CAST: variants seen among roughly 807,000 people sequenced by gnomAD.
The protein encoded by CAST is calpastatin.
CAST carries 76 observed loss-of-function variants against 119.6 expected under a neutral mutation model. The observed-to-expected ratio is 0.64, with a 90% confidence interval of 0.53 to 0.77. The LOEUF (loss-of-function observed/expected upper bound fraction) is 0.77, where lower values mean the gene tolerates loss of function less well. Ranked by LOEUF, CAST falls within the 30% of genes least tolerant of loss-of-function variation. The probability of loss-of-function intolerance (pLI) is 0.00; values close to 1 mark genes in which losing one functional copy is unlikely to be tolerated. For synonymous variants in CAST, 319 were observed against 331.6 expected (o/e 0.96, Z 0.41); for missense variants, 953 against 946.5 (o/e 1.01, Z -0.09).
chr5:96,345,027 G>C, the CAST span, among the ~76,000 whole-genome samples: 1 of 152,110 alleles, frequency 6.6e-6, no homozygotes. Context: ...ATGTGTATGA[G>C]GGTAGATATG....
chr5:96,553,131 T>A (rs1003998791), intron 1 of CAST, among the ~76,000 whole-genome samples: 1 of 152,130 alleles, frequency 6.6e-6, no homozygotes, highest in Non-Finnish European at 1.5e-5. Flanking sequence ...TAGGCCAATA[T>A]CCCTGATGAA....
chr5:96,033,427 G>A, the CAST span, among the ~76,000 whole-genome samples: 2 of 152,084 alleles, frequency 1.3e-5, no homozygotes, highest in African/African-American at 4.8e-5. Context: ...AACCAAAACA[G>A]CATGCTACTG....
At chr5:96,200,927 G>A in the CAST span, among the ~76,000 whole-genome samples, 1 of 151,996 alleles carries the variant, frequency 6.6e-6, no homozygotes, top group South Asian at 2.1e-4. Context: ...GGTTCTTTTT[G>A]GCTAGAAATA....
At chr5:96,038,129 G>T in the CAST span, among the ~76,000 whole-genome samples, 2 of 152,084 alleles carry the variant, frequency 1.3e-5, no homozygotes, top group African/African-American at 4.8e-5. Context: ...TTGTCAAAAA[G>T]CTAGTCATAC....
chr5:96,748,435 G>GA, intron 18 of CAST, 83 bp from the exon 19 acceptor site: 2 of 618,578 alleles, frequency 3.2e-6, no homozygotes, highest in East Asian at 2.9e-5. Flanking sequence ...TGTTAATCAG[G>GA]AAAAAAATTG....
intron 2 of CAST, 30 bp from the exon 3 acceptor site, chr5:96,695,806 C>G (rs777012480): frequency 6.7e-7 from 1 of 1,489,288 alleles, no homozygotes; most frequent in East Asian, 2.3e-5. Flanking sequence ...GTGTTTTCCC[C>G]CATTGAAACT....
the CAST span, among the ~76,000 whole-genome samples, chr5:96,372,876 C>T: frequency 6.1e-4 from 93 of 152,152 alleles, no homozygotes; most frequent in Admixed American, 1.1e-3. Flanking sequence ...AGATTGGCTC[C>T]GGGGTGTCTC....
Position 96,541,567 on chromosome 5 carries a change from G to A in CAST, c.60+11687G>A, listed in dbSNP as rs187879066. Among the ~76,000 whole-genome samples the A allele has an allele frequency of 1.4e-3, 220 of 152,210 alleles. 1 individual carries two copies. Among genetic ancestry groups the A allele is most frequent in the Admixed American group, 2.3e-3 (35 of 15,294 alleles). On this transcript the variant is annotated intron_variant, in intron 1 of 11. Coordinates refer to the CAST transcript ENST00000505143. Reference sequence around the variant, plus strand: ...ATCAGGTCATGTATTCACCATTATAGTATTATACAGAACAGTTTCACTGCC... The same window carrying A: ...ATCAGGTCATGTATTCACCATTATAATATTATACAGAACAGTTTCACTGCC...
chr5:96,727,500 A>G lies in CAST; in HGVS notation c.348A>G (p.Thr116=). ...TTTTCTGAACTTAGGCTGTAAAAAC[A>G]GAACCTGAGAAGAAGTCACAGTCAA... ...KKKHKKQAVK[T]EPEKKSQSTK... Residue 116 remains threonine (T), a synonymous_variant, in exon 6 of 32, where the codon ACA becomes ACG. Transcript: ENST00000675179. The G allele has an allele frequency of 6.4e-7, 1 of 1,558,006 alleles. No individual in the cohort carries two copies. The highest frequency in any genetic ancestry group is 8.7e-7 in the Non-Finnish European group (1 of 1,143,946).
chr5:96,408,231 C>T, the CAST span: 1 of 1,612,888 alleles, frequency 6.2e-7, no homozygotes, highest in Admixed American at 1.7e-5. Context: ...ACTTTGCTTC[C>T]AGGGCCAGAG....
chr5:96,125,920 G>C, the CAST span, among the ~76,000 whole-genome samples: 1 of 151,996 alleles, frequency 6.6e-6, no homozygotes, highest in African/African-American at 2.4e-5. Context: ...TTGCTTACTA[G>C]GAGAAAACAG....
At chr5:96,663,983 G>A (rs1468018909) in intron 1 of CAST, among the ~76,000 whole-genome samples, 1 of 151,610 alleles carries the variant, frequency 6.6e-6, no homozygotes, top group Non-Finnish European at 1.5e-5. Context: ...TGTTGACAGT[G>A]AGAGCCAAAA....
At chr5:96,662,094 G>A, upstream of CAST, 1 of 269,244 alleles carries the variant, frequency 3.7e-6, no homozygotes, top group Non-Finnish European at 6.9e-6. Flanking sequence ...AAGGAGGAAC[G>A]CTGCAACCTC....
At chr5:96,233,863 CAAG>C in the CAST span, among the ~76,000 whole-genome samples, 3 of 152,068 alleles carry the variant, frequency 2.0e-5, no homozygotes, top group Middle Eastern at 6.8e-3. Context: ...CACTGTAGAA[CAAG>C]AAGAAATAAT....
chr5:96,438,405 G>T, the CAST span, among the ~76,000 whole-genome samples: 1 of 151,916 alleles, frequency 6.6e-6, no homozygotes, highest in African/African-American at 2.4e-5. Flanking sequence ...TTTTCCAACT[G>T]TTCTATTAGT....
chr5:96,068,894 T>C, the CAST span, among the ~76,000 whole-genome samples: 4 of 150,028 alleles, frequency 2.7e-5, no homozygotes, highest in Admixed American at 6.7e-5. Flanking sequence ...CATACACCAA[T>C]GTATACATTT....
the CAST span, among the ~76,000 whole-genome samples, chr5:95,985,130 T>C: frequency 1.3e-5 from 2 of 152,148 alleles, no homozygotes; most frequent in Middle Eastern, 3.4e-3. Flanking sequence ...CTGGGCAACA[T>C]TGCAAGACCC....
chr5:96,532,501 G>A (rs970483534), intron 1 of CAST, among the ~76,000 whole-genome samples: 2 of 152,128 alleles, frequency 1.3e-5, no homozygotes, highest in Admixed American at 1.3e-4. Flanking sequence ...GATCACTTGA[G>A]CCTAGGAGTT....
chr5:96,185,026 CT>C, the CAST span, among the ~76,000 whole-genome samples: 1 of 152,130 alleles, frequency 6.6e-6, no homozygotes, highest in African/African-American at 2.4e-5. Flanking sequence ...TGTTTTTTGA[CT>C]TTTTAATAAT....
Sources: gnomAD v4.1 joint callset for allele counts (sites outside exome capture counted in the v4.1 genomes callset) on GRCh38, gnomAD v4.1.1 for gene constraint, MANE v1.5 for transcripts, NCBI Gene and HGNC (gene_info 2026-07-23, HGNC 2026-07-21) for gene names.